SLC6A6: variants seen among roughly 807,000 people sequenced by gnomAD.
SLC6A6 encodes the protein solute carrier family 6 member 6.
Under a neutral mutation model 68.8 loss-of-function variants are expected in SLC6A6, and 16 were observed. The observed-to-expected ratio is 0.23, with a 90% CI of 0.16 to 0.35. The LOEUF is 0.35. Ranked by LOEUF, SLC6A6 falls within the 10% of genes least tolerant of loss-of-function variation. The probability of loss-of-function intolerance (pLI) is 1.00; values close to 1 mark genes in which losing one functional copy is unlikely to be tolerated. For missense variants in SLC6A6, 474 were observed against 802.8 expected, an observed-to-expected ratio of 0.59 and a Z score of 4.95; for synonymous variants, 312 against 315.4, an observed-to-expected ratio of 0.99 and a Z score of 0.12.
intron 2 of SLC6A6, among the ~76,000 whole-genome samples, chr3:14,427,233 A>G (rs547508080): frequency 2.3e-4 from 34 of 149,194 alleles, no homozygotes; most frequent in African/African-American, 8.0e-4. Flanking sequence ...GATTAGCCCC[A>G]GCATGAGTAG....
At chr3:14,471,130 C>CTTTTTTTT (rs754511089) in intron 9 of SLC6A6, among the ~76,000 whole-genome samples, 22 of 83,070 alleles carry the variant, frequency 2.6e-4, no homozygotes, top group Admixed American at 4.3e-4. Flanking sequence ...TGCTTCTTGA[C>CTTTTTTTT]TTTTTTTTTT....
At chr3:14,418,258 G>T (rs1024810410) in intron 2 of SLC6A6, among the ~76,000 whole-genome samples, 3 of 152,174 alleles carry the variant, frequency 2.0e-5, no homozygotes, top group African/African-American at 7.2e-5. Context: ...AAGGGGGAAG[G>T]TTAAGCTCCC....
chr3:14,417,396 A>G (rs1238813815), intron 2 of SLC6A6, among the ~76,000 whole-genome samples: 2 of 152,068 alleles, frequency 1.3e-5, no homozygotes, highest in East Asian at 1.9e-4. Flanking sequence ...AGTAAATTGC[A>G]GGCATGATGC....
chr3:14,423,203 T>A (rs1699521281), intron 2 of SLC6A6, among the ~76,000 whole-genome samples: 1 of 152,196 alleles, frequency 6.6e-6, no homozygotes, highest in Non-Finnish European at 1.5e-5. Flanking sequence ...GCAAGAGGTG[T>A]CTTCTGGATA....
At chr3:14,449,481 C>T (rs543274440) in intron 5 of SLC6A6, among the ~76,000 whole-genome samples, 2 of 152,148 alleles carry the variant, frequency 1.3e-5, no homozygotes, top group East Asian at 1.9e-4. Flanking sequence ...GCCTGAAAAC[C>T]GGGCCTTCCC....
intron 6 of SLC6A6, among the ~76,000 whole-genome samples, chr3:14,464,112 C>T (rs1700559820): frequency 6.6e-6 from 1 of 152,202 alleles, no homozygotes; most frequent in Admixed American, 6.5e-5. Flanking sequence ...TCCTACGGTC[C>T]CAGCCCTTTA....
Position 14,458,065 on chromosome 3 carries a change from G to A in SLC6A6, c.715G>A (p.Val239Ile), listed in dbSNP as rs201094151. Residue 239 changes from valine (V) to isoleucine (I), a missense_variant, in exon 6 of 15, where the codon GTC (valine) becomes ATC (isoleucine). Val to Ile is a conservative substitution (Grantham distance 29). This residue lies in a region of SLC6A6 where 280 missense variants were observed against 533.1 expected (regional missense o/e 0.53). Transcript: ENST00000622186. ...LVCFFCIWKGVRSTGKVVYFT... is the reference protein window; with the variant it reads ...LVCFFCIWKGIRSTGKVVYFT... Reference sequence around the variant, plus strand: ...GTGTTTCTTCTGCATCTGGAAGGGCGTCAGGTCCACTGGGAAGGTAAGTTG... The same window carrying A: ...GTGTTTCTTCTGCATCTGGAAGGGCATCAGGTCCACTGGGAAGGTAAGTTG... 5.2e-5 allele frequency: 84 copies of A among 1,613,862 alleles called. No homozygotes were observed. Among genetic ancestry groups the A allele is most frequent in the Middle Eastern group, 1.6e-4 (1 of 6,062 alleles).
chr3:14,462,240 C>G (rs1700512357), intron 6 of SLC6A6, among the ~76,000 whole-genome samples: 1 of 152,328 alleles, frequency 6.6e-6, no homozygotes, highest in East Asian at 1.9e-4. Context: ...GCAAGGGTGG[C>G]TTTCAAACCT....
At chr3:14,479,000 G>T in intron 12 of SLC6A6, 85 bp from the exon 13 acceptor site, 1 of 816,998 alleles carries the variant, frequency 1.2e-6, no homozygotes, top group South Asian at 1.4e-5. Flanking sequence ...GCCTGGATCA[G>T]GTCCCAGAGA....
intron 2 of SLC6A6, among the ~76,000 whole-genome samples, chr3:14,434,991 A>C (rs1351332989): frequency 2.0e-5 from 3 of 152,056 alleles, no homozygotes; most frequent in African/African-American, 7.3e-5. Context: ...TGTCTATTAG[A>C]CTCATACCGT....
chr3:14,457,946 C>T lies in SLC6A6; in HGVS notation c.600-4C>T. On this transcript the variant is annotated splice_polypyrimidine_tract_variant and splice_region_variant and intron_variant, in intron 5 of 14. Coordinates refer to ENST00000622186, the MANE Select transcript of SLC6A6 (RefSeq NM_003043.6). ...CTGACTCCTGGCTCTGTGTTTGCTT[C>T]AAGGCGCAACGTGCTGAGCTTGTCC... 15 of 1,614,102 alleles carry T rather than the reference C, an allele frequency of 9.3e-6. No individual in the cohort carries two copies. Among genetic ancestry groups the T allele is most frequent in the Non-Finnish European group, 1.3e-5 (15 of 1,179,990 alleles).
At chr3:14,435,362 G>A (rs1699828093) in intron 2 of SLC6A6, among the ~76,000 whole-genome samples, 1 of 152,184 alleles carries the variant, frequency 6.6e-6, no homozygotes, top group South Asian at 2.1e-4. Flanking sequence ...GTCTCTGAGG[G>A]TAGACCCGTA....
intron 1 of SLC6A6, among the ~76,000 whole-genome samples, chr3:14,413,484 T>C (rs1204788437): frequency 6.6e-6 from 1 of 152,184 alleles, no homozygotes; most frequent in African/African-American, 2.4e-5. Flanking sequence ...GTAGAACACG[T>C]AGTGACTCTG....
Position 14,458,092 on chromosome 3 carries a change from A to G in SLC6A6, c.732+10A>G. On this transcript the variant is annotated intron_variant, in intron 6 of 14. Transcript: ENST00000622186. ...CAGGTCCACTGGGAAGGTAAGTTGG[A>G]CTTCTGTCCGTCCCCTGCCTCCTGG... 1 of 1,613,136 alleles carries G rather than the reference A, an allele frequency of 6.2e-7. No homozygotes were observed. Among genetic ancestry groups the G allele is most frequent in the Non-Finnish European group, 8.5e-7 (1 of 1,179,234 alleles).
intron 2 of SLC6A6, among the ~76,000 whole-genome samples, chr3:14,431,727 T>TA (rs1699728819): frequency 6.6e-6 from 1 of 152,186 alleles, no homozygotes; most frequent in African/African-American, 2.4e-5. Context: ...CCTGTCTTGC[T>TA]AAATCCCAGG....
intron 14 of SLC6A6, 103 bp from the exon 15 acceptor site, chr3:14,484,764 C>A: frequency 8.0e-7 from 1 of 1,247,140 alleles, no homozygotes; most frequent in African/African-American, 1.5e-5. Context: ...TTACCAAAAA[C>A]CAAACAGCAC....
At chr3:14,475,829 AAGC>A (rs1299951756) in intron 10 of SLC6A6, among the ~76,000 whole-genome samples, 1 of 152,186 alleles carries the variant, frequency 6.6e-6, no homozygotes, top group African/African-American at 2.4e-5. Flanking sequence ...GAGGTCAAAA[AAGC>A]AGCCTCTTCT....
chr3:14,484,205 A>G (rs1701081140), intron 14 of SLC6A6, among the ~76,000 whole-genome samples: 1 of 152,190 alleles, frequency 6.6e-6, no homozygotes, highest in Admixed American at 6.5e-5. Context: ...CACTCAACCA[A>G]CTGTGAGGAC....
chr3:14,416,163 C>T (rs1699359029), intron 1 of SLC6A6, among the ~76,000 whole-genome samples: 1 of 152,082 alleles, frequency 6.6e-6, no homozygotes, highest in Non-Finnish European at 1.5e-5. Context: ...CTGACACAGG[C>T]AAGTGTGTGG....
Sources: gnomAD v4.1 joint callset for allele counts (sites outside exome capture counted in the v4.1 genomes callset) on GRCh38, gnomAD v4.1.1 for gene constraint, gnomAD v4.1.1 regional missense constraint, MANE v1.5 for transcripts, NCBI Gene and HGNC (gene_info 2026-07-23, HGNC 2026-07-21) for gene names.